CCDC30: variants seen among roughly 807,000 people sequenced by gnomAD.
The protein encoded by CCDC30 is coiled-coil domain-containing protein 30.
A neutral mutation model predicts 100.2 loss-of-function variants in CCDC30; 70 were observed. The observed-to-expected ratio is 0.70, with a 90% CI of 0.58 to 0.85. CCDC30 has a LOEUF of 0.85. Ranked by LOEUF, CCDC30 falls within the 40% of genes least tolerant of loss-of-function variation. The pLI, the probability that CCDC30 is intolerant of heterozygous loss-of-function variation, is 0.00. For synonymous variants in CCDC30, 233 were observed against 269.5 expected (o/e 0.86, Z 1.33); for missense variants, 652 against 771.2 (o/e 0.85, Z 1.83).
chr1:42,622,940 GA>G (rs1646868565), intron 11 of CCDC30, among the ~76,000 whole-genome samples: 1 of 152,142 alleles, frequency 6.6e-6, no homozygotes, highest in South Asian at 2.1e-4. Flanking sequence ...GGGGTGCGAT[GA>G]CCTCTCATTG....
chr1:42,598,057 A>G (rs1168778485), intron 10 of CCDC30, among the ~76,000 whole-genome samples: 1 of 149,632 alleles, frequency 6.7e-6, no homozygotes, highest in Non-Finnish European at 1.5e-5. Flanking sequence ...AGTCCCAACT[A>G]CTTGGGAGGT....
chr1:42,549,426 C>T (rs936581485), intron 6 of CCDC30, among the ~76,000 whole-genome samples: 19 of 152,252 alleles, frequency 1.2e-4, no homozygotes, highest in African/African-American at 2.6e-4. Flanking sequence ...CGCTGAGTCA[C>T]GAGAAGTACT....
intron 1 of CCDC30, among the ~76,000 whole-genome samples, chr1:42,465,089 C>T (rs1368211542): frequency 6.6e-6 from 1 of 152,112 alleles, no homozygotes; most frequent in African/African-American, 2.4e-5. Context: ...TATTGAATAG[C>T]AAGGCATAAA....
At chr1:42,534,081 T>G (rs1397528460) in intron 6 of CCDC30, 1 of 152,226 alleles carries the variant, frequency 6.6e-6, no homozygotes, top group Non-Finnish European at 1.5e-5. Context: ...AGTATATAAA[T>G]TGCCTAAAGG....
At chr1:42,650,087 A>G (rs989145037) in intron 15 of CCDC30, among the ~76,000 whole-genome samples, 12 of 152,326 alleles carry the variant, frequency 7.9e-5, no homozygotes, top group Admixed American at 5.2e-4. Context: ...AGAAATAGAA[A>G]AAACAGTCCT....
chr1:42,578,640 A>G (rs1010670777), intron 8 of CCDC30, among the ~76,000 whole-genome samples: 4 of 151,998 alleles, frequency 2.6e-5, no homozygotes, highest in African/African-American at 9.7e-5. Flanking sequence ...ATATATATTA[A>G]CTTCACTTGG....
chr1:42,605,793 C>T (rs1646490759), intron 10 of CCDC30, among the ~76,000 whole-genome samples: 1 of 152,132 alleles, frequency 6.6e-6, no homozygotes, highest in Non-Finnish European at 1.5e-5. Context: ...GGCCCAAAGT[C>T]ACTCTTAGAT....
Position 42,495,418 on chromosome 1 carries a change from A to G in CCDC30, c.242-1680A>G, listed in dbSNP as rs574722848. Among the ~76,000 whole-genome samples, 3 of 152,222 alleles carry G rather than the reference A, an allele frequency of 2.0e-5. No homozygotes were observed. The East Asian group carries it at 5.8e-4, about 29-fold the overall frequency. ...TATACCTAATGCTAGATGCTGAGTTAGTGGGTGCAGCACACCAGCATGTCA... is the reference window on the plus strand; with the variant it reads ...TATACCTAATGCTAGATGCTGAGTTGGTGGGTGCAGCACACCAGCATGTCA... On this transcript the variant is annotated intron_variant, in intron 4 of 16. Coordinates refer to ENST00000668663, the Ensembl canonical transcript of CCDC30.
At chr1:42,638,712 G>A (rs1000703959) in intron 12 of CCDC30, among the ~76,000 whole-genome samples, 1 of 151,876 alleles carries the variant, frequency 6.6e-6, no homozygotes, top group Admixed American at 6.6e-5. Context: ...CATCTCTACT[G>A]AAAATACAAA....
intron 15 of CCDC30, among the ~76,000 whole-genome samples, chr1:42,651,981 T>C (rs1432831383): frequency 7.5e-5 from 2 of 26,718 alleles, no homozygotes; most frequent in African/African-American, 1.3e-4. Context: ...TATGGAAAAC[T>C]GTGGAGTTTC....
intron 6 of CCDC30, among the ~76,000 whole-genome samples, chr1:42,565,632 C>T (rs1370529518): frequency 1.3e-5 from 2 of 152,072 alleles, no homozygotes; most frequent in Non-Finnish European, 2.9e-5. Flanking sequence ...ATGGAGGTTC[C>T]TCAAAAAATT....
chr1:42,483,150 G>T (rs912478243), intron 3 of CCDC30, among the ~76,000 whole-genome samples: 1 of 152,086 alleles, frequency 6.6e-6, no homozygotes, highest in South Asian at 2.1e-4. Flanking sequence ...TTCTGCGTTT[G>T]ACTATATGCA....
At chr1:42,460,704 G>A (rs1643387405), upstream of CCDC30, among the ~76,000 whole-genome samples, 1 of 152,234 alleles carries the variant, frequency 6.6e-6, no homozygotes, top group Non-Finnish European at 1.5e-5. Flanking sequence ...AACTTAGCCA[G>A]CTGTGCCACC....
chr1:42,641,623 T>C (rs942928941), intron 12 of CCDC30, among the ~76,000 whole-genome samples: 8 of 152,004 alleles, frequency 5.3e-5, no homozygotes, highest in Admixed American at 5.2e-4. Context: ...TCCCAAACCT[T>C]TGGGAGGCCT....
chr1:42,524,781 C>T (rs936195331), intron 6 of CCDC30, among the ~76,000 whole-genome samples: 5 of 152,202 alleles, frequency 3.3e-5, no homozygotes, highest in Admixed American at 2.6e-4. Flanking sequence ...CCAACCCTTT[C>T]TCTAGAAGTT....
At chr1:42,461,012 A>G (rs1643396921), upstream of CCDC30, among the ~76,000 whole-genome samples, 1 of 152,238 alleles carries the variant, frequency 6.6e-6, no homozygotes, top group Non-Finnish European at 1.5e-5. Context: ...TTTGGAGTGC[A>G]CAAGTAGCAT....
chr1:42,539,430 A>G lies in CCDC30; in HGVS notation c.457-26866A>G, dbSNP rs535332994. ...GGGAATTGGAGTTTCTTCTATTATT[A>G]TAGCATAAATTGCCATATACTGCCA... On this transcript the variant is annotated intron_variant, in intron 6 of 16. Transcript: ENST00000668663. 38 of 877,354 alleles carry G rather than the reference A, an allele frequency of 4.3e-5. No individual in the cohort carries two copies. In the African/African-American group the frequency reaches 5.5e-4, roughly 13 times the overall value. 54.3% of individuals were successfully genotyped at this position (877,354 alleles called of 1,614,324 possible).
intron 10 of CCDC30, among the ~76,000 whole-genome samples, chr1:42,597,680 T>C (rs1646317279): frequency 6.6e-6 from 1 of 152,036 alleles, no homozygotes; most frequent in Non-Finnish European, 1.5e-5. Flanking sequence ...TGCACACCTG[T>C]GGTCCCAGCT....
chr1:42,510,883 T>A (rs1383889235), intron 6 of CCDC30, among the ~76,000 whole-genome samples: 1 of 151,888 alleles, frequency 6.6e-6, no homozygotes, highest in Non-Finnish European at 1.5e-5. Context: ...CTGGGTTGAT[T>A]GTGCAACTCT....
Sources: gnomAD v4.1 joint callset for allele counts (sites outside exome capture counted in the v4.1 genomes callset) on GRCh38, gnomAD v4.1.1 for gene constraint, MANE v1.5 for transcripts, NCBI Gene and HGNC (gene_info 2026-07-23, HGNC 2026-07-21) for gene names.